DIAPH3: variants seen among roughly 807,000 people sequenced by gnomAD.
The protein encoded by DIAPH3 is diaphanous related formin 3.
A neutral mutation model predicts 144.3 loss-of-function variants in DIAPH3; 117 were observed. That is an observed-to-expected ratio of 0.81 (90% CI 0.70 to 0.95). The LOEUF is 0.95. DIAPH3 is among the 40% of genes least tolerant of loss of function. DIAPH3 has a pLI of 0.00. For missense variants in DIAPH3, 1,421 were observed against 1,412.7 expected, an observed-to-expected ratio of 1.01 and a Z score of -0.09; for synonymous variants, 519 against 488.9, an observed-to-expected ratio of 1.06 and a Z score of -0.81.
intron 24 of DIAPH3, 142 bp from the exon 25 acceptor site, chr13:59,811,065 T>A: frequency 1.3e-6 from 1 of 778,092 alleles, no homozygotes; most frequent in Non-Finnish European, 2.0e-6. Context: ...TACAGTCTTC[T>A]AAAAGGTATG....
rs545135661 is a variant in DIAPH3, at chr13:59,792,808, C to T, written c.3163+17980G>A. 2.0e-5 allele frequency among the ~76,000 whole-genome samples: 3 copies of T among 152,268 alleles called. No homozygotes were observed. In the East Asian group the frequency reaches 5.8e-4, roughly 29 times the overall value. On this transcript the variant is annotated intron_variant, in intron 25 of 27. Transcript: ENST00000400324. ...TCCTTCATTCTCCTACTTTTTCAGA[C>T]TCCCACTAAAATGTAAATAAGCCCC... is the stretch of plus-strand genomic sequence containing the variant.
intron 25 of DIAPH3, among the ~76,000 whole-genome samples, chr13:59,810,154 CTTTT>C (rs946134354): frequency 3.3e-5 from 5 of 151,864 alleles, no homozygotes; most frequent in African/African-American, 1.2e-4. Flanking sequence ...GTTCAGACTG[CTTTT>C]TTCTTTTTGT....
chr13:60,082,743 C>CA (rs2057604814), intron 4 of DIAPH3, among the ~76,000 whole-genome samples: 1 of 151,924 alleles, frequency 6.6e-6, no homozygotes, highest in Non-Finnish European at 1.5e-5. Context: ...AAACTTCAGA[C>CA]AAACAAAAAG....
chr13:59,768,568 C>T (rs187395682), intron 27 of DIAPH3, among the ~76,000 whole-genome samples: 5 of 152,006 alleles, frequency 3.3e-5, no homozygotes, highest in African/African-American at 7.2e-5. Context: ...GTCCCAAGAT[C>T]GAGTGGATTG....
At chr13:59,896,782 G>A (rs1195364905) in intron 20 of DIAPH3, among the ~76,000 whole-genome samples, 3 of 152,200 alleles carry the variant, frequency 2.0e-5, no homozygotes, top group Non-Finnish European at 2.9e-5. Flanking sequence ...AATATCAGAA[G>A]AGAAGCTTAT....
At chr13:60,091,727 A>G (rs2057940136) in intron 4 of DIAPH3, among the ~76,000 whole-genome samples, 1 of 152,208 alleles carries the variant, frequency 6.6e-6, no homozygotes, top group South Asian at 2.1e-4. Flanking sequence ...AGAACAAAAA[A>G]CAAATTACAA....
chr13:59,988,315 C>T (rs956276823), intron 12 of DIAPH3, among the ~76,000 whole-genome samples: 11 of 151,904 alleles, frequency 7.2e-5, no homozygotes, highest in Admixed American at 2.0e-4. Context: ...CATTTAAACA[C>T]ATTTACATCT....
intron 2 of DIAPH3, among the ~76,000 whole-genome samples, chr13:60,120,420 T>C (rs988787864): frequency 6.6e-6 from 1 of 152,242 alleles, no homozygotes; most frequent in African/African-American, 2.4e-5. Context: ...ACAAATGGGC[T>C]TCTTCACCTC....
At chr13:60,090,077 C>A (rs534573338) in intron 4 of DIAPH3, among the ~76,000 whole-genome samples, 1 of 152,296 alleles carries the variant, frequency 6.6e-6, no homozygotes, top group Admixed American at 6.5e-5. Context: ...ACAATCACAT[C>A]CAATGGCGGA....
chr13:59,788,805 T>G (rs1034806928), intron 25 of DIAPH3, among the ~76,000 whole-genome samples: 1 of 152,208 alleles, frequency 6.6e-6, no homozygotes, highest in Admixed American at 6.5e-5. Flanking sequence ...TGACCACTTA[T>G]GGCTATTAAC....
At chr13:59,904,463 T>C (rs2046621129) in intron 20 of DIAPH3, among the ~76,000 whole-genome samples, 1 of 152,168 alleles carries the variant, frequency 6.6e-6, no homozygotes, top group Admixed American at 6.5e-5. Context: ...TTCTAAGAAT[T>C]TTGGGTAACC....
intron 17 of DIAPH3, among the ~76,000 whole-genome samples, chr13:59,951,918 A>C (rs1293569094): frequency 6.6e-6 from 1 of 152,162 alleles, no homozygotes; most frequent in African/African-American, 2.4e-5. Context: ...CAAAGTATTT[A>C]TCCAAAAGAA....
chr13:59,995,997 G>A (rs975788305), intron 9 of DIAPH3, among the ~76,000 whole-genome samples: 15 of 151,994 alleles, frequency 9.9e-5, no homozygotes, highest in Admixed American at 9.2e-4. Context: ...CCATAAGTGA[G>A]GTAGAAGGAA....
At chr13:60,050,149 G>T (rs565898094) in intron 4 of DIAPH3, among the ~76,000 whole-genome samples, 1 of 152,244 alleles carries the variant, frequency 6.6e-6, no homozygotes, top group African/African-American at 2.4e-5. Flanking sequence ...AGCCATGATC[G>T]TGCCACTGCA....
chr13:60,034,600 T>C (rs2055057657), intron 5 of DIAPH3: 1 of 152,222 alleles, frequency 6.6e-6, no homozygotes, highest in Non-Finnish European at 1.5e-5. Context: ...TTGGGCAATT[T>C]GGTGATCTGC....
At position 60,163,767 on chromosome 13, in the gene DIAPH3, C is replaced by A; in HGVS notation, c.-1G>T. 1 of 1,577,524 alleles carries A rather than the reference C, an allele frequency of 6.3e-7. No individual in the cohort carries two copies. Among genetic ancestry groups the A allele is most frequent in the Non-Finnish European group, 8.6e-7 (1 of 1,163,368 alleles). Reference sequence around the variant, plus strand: ...GCAGCCGCGGCTGGTGCCGTTCCATCTTTCCCCGCAGCTCCGGGGACCGGA... The same window carrying A: ...GCAGCCGCGGCTGGTGCCGTTCCATATTTCCCCGCAGCTCCGGGGACCGGA... On this transcript the variant is annotated 5_prime_UTR_variant, in exon 1 of 28. Coordinates refer to ENST00000400324, the MANE Select transcript of DIAPH3 (RefSeq NM_001042517.2).
intron 21 of DIAPH3, among the ~76,000 whole-genome samples, chr13:59,863,435 T>TA (rs988911082): frequency 1.3e-5 from 2 of 152,120 alleles, no homozygotes; most frequent in Non-Finnish European, 2.9e-5. Flanking sequence ...AGTAATATTT[T>TA]AAAAAATCCA....
chr13:59,712,400 A>G (rs1257532924), intron 27 of DIAPH3, among the ~76,000 whole-genome samples: 2 of 152,206 alleles, frequency 1.3e-5, no homozygotes, highest in African/African-American at 4.8e-5. Context: ...CAAGAGCCAT[A>G]TGTTTTATTC....
chr13:60,134,402 C>A (rs2059216502), intron 1 of DIAPH3, among the ~76,000 whole-genome samples: 1 of 152,132 alleles, frequency 6.6e-6, no homozygotes, highest in South Asian at 2.1e-4. Flanking sequence ...TGGTTGGGAT[C>A]CTGAGCGGGA....
Sources: gnomAD v4.1 joint callset for allele counts (sites outside exome capture counted in the v4.1 genomes callset) on GRCh38, gnomAD v4.1.1 for gene constraint, MANE v1.5 for transcripts, NCBI Gene and HGNC (gene_info 2026-07-23, HGNC 2026-07-21) for gene names.